ANKS3: variants seen among roughly 807,000 people sequenced by gnomAD.
ANKS3 encodes the protein ankyrin repeat and SAM domain-containing protein 3.
Under a neutral mutation model 80.7 loss-of-function variants are expected in ANKS3, and 62 were observed. The observed-to-expected ratio is 0.77, with a 90% CI of 0.63 to 0.95. ANKS3 has a LOEUF of 0.95. ANKS3 is among the 40% of genes least tolerant of loss of function. The pLI is 0.00. For synonymous variants in ANKS3, 489 were observed against 355.3 expected (o/e 1.38, Z -4.23); for missense variants, 1,150 against 883.6 (o/e 1.30, Z -3.82).
chr16:4,733,545 G>A (rs1378789766), intron 1 of ANKS3, among the ~76,000 whole-genome samples: 2 of 152,058 alleles, frequency 1.3e-5, no homozygotes, highest in African/African-American at 4.8e-5. Context: ...GCCCGCCTTT[G>A]CCTCCCAAAG....
At position 4,705,242 on chromosome 16, in the gene ANKS3, C is replaced by G; in HGVS notation, c.721G>C (p.Asp241His). ...SLYRSPEKYE[D>H]LSSSDESCPA... ...CAGGACTCGTCAGAAGAGCTCAGAT[C>G]TTCGTACTTTTCTGTGATCAAACAC... is the stretch of plus-strand genomic sequence containing the variant. The change falls in exon 8 of 18, where the codon GAT (aspartate) becomes CAT (histidine). Residue 241 changes from aspartate to histidine, a missense_variant. By Grantham distance (81) the Asp-to-His change is moderately conservative. Coordinates refer to ENST00000304283, the MANE Select transcript of ANKS3 (RefSeq NM_133450.4). 6.2e-7 allele frequency: 1 copy of G among 1,613,830 alleles called. No homozygotes were observed. Among genetic ancestry groups the G allele is most frequent in the South Asian group, 1.1e-5 (1 of 91,056 alleles).
At chr16:4,727,353 G>A (rs993560477) in intron 3 of ANKS3, 176 bp from the exon 4 acceptor site, 28 of 662,228 alleles carry the variant, frequency 4.2e-5, no homozygotes, top group African/African-American at 3.6e-4. Flanking sequence ...ACAGTTGCTC[G>A]TACACTGCCT....
chr16:4,717,048 G>A (rs753464699), intron 6 of ANKS3, among the ~76,000 whole-genome samples: 4 of 149,630 alleles, frequency 2.7e-5, no homozygotes, highest in Non-Finnish European at 4.4e-5. Context: ...CCTGGCCAAT[G>A]TGGGAAAACG....
chr16:4,716,224 G>C (rs1203426626), intron 6 of ANKS3, among the ~76,000 whole-genome samples: 2 of 151,858 alleles, frequency 1.3e-5, no homozygotes, highest in Admixed American at 6.6e-5. Flanking sequence ...GCCGGGCGTG[G>C]TGGTGGGCAC....
At chr16:4,701,991 T>TCTGCTGGATGG in intron 9 of ANKS3, 111 bp downstream of exon 9, 1 of 1,337,722 alleles carries the variant, frequency 7.5e-7, no homozygotes, top group Non-Finnish European at 1.0e-6. Flanking sequence ...TTTCCTGTCC[T>TCTGCTGGATGG]CTGCTGGATG....
intron 7 of ANKS3, among the ~76,000 whole-genome samples, chr16:4,706,640 T>G (rs975973117): frequency 6.6e-6 from 1 of 152,232 alleles, no homozygotes. Context: ...AGAGCTTTTA[T>G]TATTTTGTAG....
At chr16:4,729,782 T>C in intron 3 of ANKS3, 198 bp downstream of exon 3, 2 of 462,930 alleles carry the variant, frequency 4.3e-6, no homozygotes, top group Non-Finnish European at 7.2e-6. Context: ...TTACTCCCTC[T>C]TTTTCTTCCT....
At chr16:4,700,813 C>G in intron 11 of ANKS3, 157 bp downstream of exon 11, 2 of 984,518 alleles carry the variant, frequency 2.0e-6, no homozygotes, top group Non-Finnish European at 3.2e-6. Context: ...AGCCATGGAG[C>G]CGGCTGTGAG....
At chr16:4,718,967 T>C (rs1230692533) in intron 6 of ANKS3, among the ~76,000 whole-genome samples, 2 of 152,178 alleles carry the variant, frequency 1.3e-5, no homozygotes, top group Non-Finnish European at 1.5e-5. Context: ...TCAGAAAACA[T>C]ATGCATGTTA....
At chr16:4,698,755 T>A (rs970598377) in intron 13 of ANKS3, 45 bp downstream of exon 13, 1 of 1,562,430 alleles carries the variant, frequency 6.4e-7, no homozygotes, top group Non-Finnish European at 8.6e-7. Context: ...TGGAGCCAAC[T>A]CACGGGTGTC....
intron 6 of ANKS3, among the ~76,000 whole-genome samples, chr16:4,716,882 T>G (rs1330416338): frequency 6.7e-6 from 1 of 150,026 alleles, no homozygotes; most frequent in Non-Finnish European, 1.5e-5. Flanking sequence ...GCCACTGCAC[T>G]ACAGCCTCGA....
At chr16:4,697,517 G>C in intron 15 of ANKS3, 101 bp from the exon 16 acceptor site, 1 of 977,392 alleles carries the variant, frequency 1.0e-6, no homozygotes, top group Non-Finnish European at 1.5e-6. Flanking sequence ...GCTTGGATCA[G>C]AACCTCCCTA....
intron 6 of ANKS3, among the ~76,000 whole-genome samples, chr16:4,719,094 G>A (rs980896395): frequency 1.3e-5 from 2 of 152,148 alleles, no homozygotes; most frequent in Non-Finnish European, 1.5e-5. Context: ...CAGCGCTTTG[G>A]GAGGCCAAGG....
At chr16:4,705,277 G>A (rs375228375) in intron 7 of ANKS3, 24 bp from the exon 8 acceptor site, 1,059 of 1,612,472 alleles carry the variant, frequency 6.6e-4, no homozygotes, top group Non-Finnish European at 8.5e-4. Context: ...CCAAGATTAA[G>A]ATAGTGTGTT....
rs55661418 is a variant in ANKS3, at chr16:4,721,625, GATTT to G, written c.573+3121_573+3124del. 2.4e-3 allele frequency among the ~76,000 whole-genome samples: 355 copies of G among 145,506 alleles called. 6 individuals are homozygous for G. The highest frequency in any genetic ancestry group is 6.6e-3 in the African/African-American group (264 of 39,750). On this transcript the variant is annotated intron_variant, in intron 6 of 17. Coordinates refer to ENST00000304283, the MANE Select transcript of ANKS3 (RefSeq NM_133450.4). ...GACCCCATCTCTTTATTGATTTATT[GATTT>G]ATTTATTTATTTATTTATTTATTTA... is the stretch of plus-strand genomic sequence containing the variant.
chr16:4,698,049 C>G lies in ANKS3; in HGVS notation c.1738G>C (p.Glu580Gln). Reference sequence around the variant, plus strand: ...TCCTGCCTCACTCGAGATGACAGCTCAGCTTGACAGGCTCTGCCAGACACA... The same window carrying G: ...TCCTGCCTCACTCGAGATGACAGCTGAGCTTGACAGGCTCTGCCAGACACA... ...VLDQLRACQAELSSRVRQDQP... is the reference protein window; with the variant it reads ...VLDQLRACQAQLSSRVRQDQP... The change falls in exon 15 of 18, where the codon GAG becomes CAG. Residue 580 changes from glutamate to glutamine, a missense_variant. Transcript: ENST00000304283. The G allele has an allele frequency of 4.4e-6, 7 of 1,608,858 alleles. No homozygotes were observed. The East Asian group carries it at 1.6e-4, about 36-fold the overall frequency.
At chr16:4,701,936 C>G (rs958137098) in intron 9 of ANKS3, 166 bp downstream of exon 9, 1 of 846,428 alleles carries the variant, frequency 1.2e-6, no homozygotes. Flanking sequence ...GGACCAGAAG[C>G]TTCTCCCATT....
At chr16:4,720,460 T>C (rs1275848446) in intron 6 of ANKS3, among the ~76,000 whole-genome samples, 1 of 143,260 alleles carries the variant, frequency 7.0e-6, no homozygotes, top group African/African-American at 2.6e-5. Context: ...AGACTCCATC[T>C]CAAAAAAAAA....
Position 4,697,318 on chromosome 16 carries a change from TC to T in ANKS3, c.1894+14del. On this transcript the variant is annotated intron_variant, in intron 16 of 17. Transcript: ENST00000304283. ...ACAAAAGGAGCGCTCAGTCGTCTGGTCCCCGGAGACTCACCCATCTCACGGA... is the reference window on the plus strand; with the variant it reads ...ACAAAAGGAGCGCTCAGTCGTCTGGTCCCGGAGACTCACCCATCTCACGGA... The T allele has an allele frequency of 6.3e-7, 1 of 1,594,444 alleles. No homozygotes were observed. The highest frequency in any genetic ancestry group is 8.6e-7 in the Non-Finnish European group (1 of 1,168,808).
Sources: gnomAD v4.1 joint callset for allele counts (sites outside exome capture counted in the v4.1 genomes callset) on GRCh38, gnomAD v4.1.1 for gene constraint, MANE v1.5 for transcripts, NCBI Gene and HGNC (gene_info 2026-07-23, HGNC 2026-07-21) for gene names.